The following COL4A3 variants were observed in gnomAD, a reference collection of about 807,000 sequenced individuals.
The protein encoded by COL4A3 is collagen alpha-3(IV) chain.
In COL4A3, 135 loss-of-function variants were observed where a neutral mutation model predicts 217.4. The ratio of observed to expected loss-of-function variants is 0.62; its 90% CI spans 0.54 to 0.72. COL4A3 has a LOEUF of 0.72. Among genes scored for constraint, COL4A3 ranks in the 30% least tolerant of loss-of-function variants. The pLI, the probability that COL4A3 is intolerant of heterozygous loss-of-function variation, is 0.00. For missense variants in COL4A3, 1,868 were observed against 2,119.9 expected (o/e 0.88, Z 2.33); for synonymous variants, 690 against 736.3 (o/e 0.94, Z 1.02).
At chr2:227,183,013 C>T (rs900000917) in intron 1 of COL4A3, among the ~76,000 whole-genome samples, 2 of 152,264 alleles carry the variant, frequency 1.3e-5, no homozygotes, top group South Asian at 2.1e-4. Flanking sequence ...AGAAGCTTCC[C>T]CTAAGTCAGA....
In COL4A3 at chr2:227,239,998, C is replaced by T. The variant is rs571787454; in HGVS notation, c.145-145C>T. ...TTGCCTATGTAGTCACTCCTGAGTG[C>T]TAATTATGATTTTTTTAATCCAAGG... On this transcript the variant is annotated intron_variant, in intron 2 of 51. Transcript: ENST00000396578. The T allele has an allele frequency of 1.5e-4, 117 of 795,900 alleles. No homozygotes were observed. The East Asian group carries it at 3.1e-3, about 21-fold the overall frequency. 49.3% of individuals were successfully genotyped at this position (795,900 alleles called of 1,614,324 possible). A position where few individuals can be genotyped will look rare whatever the true frequency, so the allele number is the denominator to read the frequency against.
intron 9 of COL4A3, among the ~76,000 whole-genome samples, chr2:227,249,979 T>G (rs562462557): frequency 2.0e-5 from 3 of 152,288 alleles, no homozygotes; most frequent in Admixed American, 2.0e-4. Flanking sequence ...TAGGGGCTAT[T>G]TCTAGGCTCT....
At chr2:227,277,289 A>G (rs1367435001) in intron 27 of COL4A3, among the ~76,000 whole-genome samples, 160 bp from the exon 28 acceptor site, 5 of 149,298 alleles carry the variant, frequency 3.3e-5, no homozygotes, top group Non-Finnish European at 7.4e-5. Flanking sequence ...ACTGCACTCC[A>G]GCCTGGGCGA....
chr2:227,277,012 T>C (rs2071606420), intron 27 of COL4A3, among the ~76,000 whole-genome samples: 1 of 152,004 alleles, frequency 6.6e-6, no homozygotes, highest in Non-Finnish European at 1.5e-5. Context: ...AGCATATGAT[T>C]GGGGTTGTGT....
chr2:227,274,453 T>A, intron 26 of COL4A3, among the ~76,000 whole-genome samples: 1 of 151,466 alleles, frequency 6.6e-6, no homozygotes. Flanking sequence ...ATATATTAAA[T>A]AAACAAATAA....
intron 1 of COL4A3, among the ~76,000 whole-genome samples, chr2:227,208,155 A>C (rs1006637336): frequency 2.6e-5 from 4 of 152,212 alleles, no homozygotes; most frequent in African/African-American, 9.6e-5. Flanking sequence ...CATAGGCCGA[A>C]CTGACTTTGG....
intron 1 of COL4A3, chr2:227,222,329 T>C (rs1036859946): frequency 1.3e-5 from 2 of 152,136 alleles, no homozygotes; most frequent in Admixed American, 6.6e-5. Flanking sequence ...ATGTTCATTT[T>C]ATACGTAGTG....
In COL4A3 at chr2:227,277,512, G is replaced by A. The variant is rs544999908; in HGVS notation, c.2084G>A (p.Gly695Glu). ...CTTCCAGGGCCTGATGGTGAACCAG[G>A]AATTCCAGGAATTGGATTTCCTGGG... The part of the protein sequence containing the change: ...PGLPGPDGEP[G>E]IPGIGFPGPP... The change falls in exon 28 of 52, where the codon GGA (glycine) becomes GAA (glutamate). Residue 695 changes from glycine to glutamate, a missense_variant. Gly to Glu is a moderately conservative substitution (Grantham distance 98). Transcript: ENST00000396578. The A allele has an allele frequency of 1.2e-6, 2 of 1,612,616 alleles. No individual in the cohort carries two copies. Among genetic ancestry groups the A allele is most frequent in the East Asian group, 2.2e-5 (1 of 44,874 alleles).
At chr2:227,254,254 A>T (rs1231208500) in intron 14 of COL4A3, 80 bp downstream of exon 14, 16 of 1,326,084 alleles carry the variant, frequency 1.2e-5, no homozygotes, top group Non-Finnish European at 1.7e-5. Context: ...GTTTTGTCTT[A>T]AGTTGTTTTT....
intron 39 of COL4A3, 82 bp downstream of exon 39, chr2:227,294,652 T>C: frequency 9.6e-7 from 1 of 1,044,830 alleles, no homozygotes. Flanking sequence ...GTAAACCTAC[T>C]ACTCTATAGA....
chr2:227,286,623 GC>G (rs2072344248), intron 34 of COL4A3, among the ~76,000 whole-genome samples: 2 of 152,214 alleles, frequency 1.3e-5, no homozygotes, highest in South Asian at 2.1e-4. Flanking sequence ...GCAGAGATGG[GC>G]CTCACTCTTG....
chr2:227,175,599 A>G lies in COL4A3; in HGVS notation c.87+10786A>G, dbSNP rs113073238. On this transcript the variant is annotated intron_variant, in intron 1 of 51. Transcript: ENST00000396578. ...CTGGCCCTGAAGGAATATGCTGAGT[A>G]TTTTGCTACAGGTGAGGTGGGGGAT... is the stretch of plus-strand genomic sequence containing the variant. Among the ~76,000 whole-genome samples, 1,350 of 152,284 alleles carry G rather than the reference A, an allele frequency of 8.9e-3. 13 individuals carry two copies. The highest frequency in any genetic ancestry group is 0.03 in the African/African-American group (1,263 of 41,564).
In COL4A3 at chr2:227,210,488, G is replaced by T. The variant is rs149396146; in HGVS notation, c.88-27480G>T. Among the ~76,000 whole-genome samples the T allele has an allele frequency of 7.5e-3, 1,134 of 151,724 alleles. 15 individuals are homozygous for T. Among genetic ancestry groups the T allele is most frequent in the African/African-American group, 0.025 (1,041 of 41,290 alleles). ...ACCTGTAGTCCCAGCTACTCAGGAGGCTGAGACAGGAGAATTGTTTGAACC... is the reference window on the plus strand; with the variant it reads ...ACCTGTAGTCCCAGCTACTCAGGAGTCTGAGACAGGAGAATTGTTTGAACC... On this transcript the variant is annotated intron_variant, in intron 1 of 51. Coordinates refer to ENST00000396578, the MANE Select transcript of COL4A3 (RefSeq NM_000091.5).
chr2:227,195,667 ATGTGTG>A (rs34242264), intron 1 of COL4A3, among the ~76,000 whole-genome samples: 13 of 139,884 alleles, frequency 9.3e-5, no homozygotes, highest in East Asian at 4.1e-4. Context: ...ATATATATAT[ATGTGTG>A]TGTGTGTGTG....
In COL4A3 at chr2:227,312,158, G is replaced by T. The variant is rs376763557; in HGVS notation, c.*288G>T. 4 of 373,640 alleles carry T rather than the reference G, an allele frequency of 1.1e-5. No individual in the cohort carries two copies. The highest frequency in any genetic ancestry group is 2.0e-5 in the Non-Finnish European group (4 of 199,998). The allele number at this position is 373,640 out of a possible 1,614,324, so 23.1% of individuals were successfully genotyped here. On this transcript the variant is annotated 3_prime_UTR_variant, in exon 52 of 52. Transcript: ENST00000396578. ...TTACATCCAAGGCACTGTCACTACGGTGATTGTATGAAGTTTGAATGCTGC... is the reference window on the plus strand; with the variant it reads ...TTACATCCAAGGCACTGTCACTACGTTGATTGTATGAAGTTTGAATGCTGC...
At chr2:227,225,791 A>T (rs1243082858) in intron 1 of COL4A3, among the ~76,000 whole-genome samples, 1 of 148,790 alleles carries the variant, frequency 6.7e-6, no homozygotes, top group Non-Finnish European at 1.5e-5. Context: ...TGCTTACTGC[A>T]ACCTCCACCT....
intron 1 of COL4A3, among the ~76,000 whole-genome samples, chr2:227,172,581 C>CTTTTTTTTTTT (rs11315628): frequency 1.4e-5 from 1 of 73,586 alleles, no homozygotes; most frequent in Non-Finnish European, 2.4e-5. Context: ...TCGTCTTCTT[C>CTTTTTTTTTTT]TTTTTTTTTT....
At chr2:227,278,848 T>A (rs903574245) in intron 28 of COL4A3, among the ~76,000 whole-genome samples, 2 of 152,106 alleles carry the variant, frequency 1.3e-5, no homozygotes, top group Non-Finnish European at 2.9e-5. Flanking sequence ...TAAATATTGG[T>A]CAAATTAGGG....
At chr2:227,167,698 T>C (rs2065328280) in intron 1 of COL4A3, among the ~76,000 whole-genome samples, 2 of 152,138 alleles carry the variant, frequency 1.3e-5, no homozygotes. Flanking sequence ...TCAGTTAAAT[T>C]AGAAAACAAA....
Sources: allele counts gnomAD v4.1 joint callset (sites outside exome capture counted in the v4.1 genomes callset), GRCh38; gene constraint gnomAD v4.1.1; transcripts MANE v1.5; gene names NCBI Gene and HGNC (gene_info 2026-07-23, HGNC 2026-07-21).